Variants in BMP5 observed in about 807,000 individuals in gnomAD.
BMP5 encodes bone morphogenetic protein 5.
BMP5 carries 23 observed loss-of-function variants against 46.6 expected under a neutral mutation model. The ratio of observed to expected loss-of-function variants is 0.49; its 90% CI spans 0.35 to 0.70. The LOEUF is 0.70. Among genes scored for constraint, BMP5 ranks in the 30% least tolerant of loss-of-function variants. The pLI is 0.00. For missense variants in BMP5, 545 were observed against 565.6 expected, an observed-to-expected ratio of 0.96 and a Z score of 0.37; for synonymous variants, 204 against 191.9, an observed-to-expected ratio of 1.06 and a Z score of -0.52.
At chr6:55,839,748 TAGA>T (rs1776905883) in intron 1 of BMP5, among the ~76,000 whole-genome samples, 2 of 152,210 alleles carry the variant, frequency 1.3e-5, no homozygotes, top group Non-Finnish European at 2.9e-5. Context: ...TTTGCTATTG[TAGA>T]CAGTGTTATT....
chr6:55,793,515 T>C (rs1354606703), intron 3 of BMP5, among the ~76,000 whole-genome samples: 2 of 152,138 alleles, frequency 1.3e-5, no homozygotes, highest in Non-Finnish European at 2.9e-5. Context: ...CCATCCCAGG[T>C]GTCTTTAGCT....
rs11537721 is a variant in BMP5 at position 55,755,219 on chromosome 6, G to A, written c.*314C>T. On this transcript the variant is annotated 3_prime_UTR_variant, in exon 7 of 7. Coordinates refer to ENST00000370830, the MANE Select transcript of BMP5 (RefSeq NM_021073.4). ...GTTCTGTCTAATCTCAGAAAATTAT[G>A]TAAAATTGTATTAGAAAAAAATGTT... 40,709 of 185,170 alleles carry A rather than the reference G, an allele frequency of 0.22. 4,775 individuals are homozygous for A. The highest frequency in any genetic ancestry group is 0.32 in the South Asian group (2,242 of 7,096). 11.5% of individuals were successfully genotyped at this position (185,170 alleles called of 1,614,324 possible). A position where few individuals can be genotyped will look rare whatever the true frequency, so the allele number is the denominator to read the frequency against.
chr6:55,838,684 T>C (rs187665553), intron 1 of BMP5, among the ~76,000 whole-genome samples: 38 of 152,284 alleles, frequency 2.5e-4, no homozygotes, highest in African/African-American at 7.7e-4. Flanking sequence ...TTTTGACATC[T>C]GGACTTCTCC....
At chr6:55,783,702 T>C (rs143143225) in intron 3 of BMP5, among the ~76,000 whole-genome samples, 386 of 152,074 alleles carry the variant, frequency 2.5e-3, no homozygotes, top group African/African-American at 9.0e-3. Context: ...ACCATGAAAA[T>C]ATTTACCCCA....
chr6:55,770,630 T>TCA (rs1356867290), intron 4 of BMP5, among the ~76,000 whole-genome samples: 10 of 152,024 alleles, frequency 6.6e-5, no homozygotes, highest in Non-Finnish European at 1.2e-4. Flanking sequence ...ACTGTTTGTT[T>TCA]GGCACAAGAG....
intron 1 of BMP5, among the ~76,000 whole-genome samples, chr6:55,834,847 G>T (rs956175311): frequency 6.6e-6 from 1 of 152,160 alleles, no homozygotes; most frequent in Non-Finnish European, 1.5e-5. Flanking sequence ...TTGGGAAGTT[G>T]AGGCAGGTGG....
At position 55,867,600 on chromosome 6, in the gene BMP5, G is replaced by A. The variant is rs1291028396; in HGVS notation, c.490+6776C>T. ...CAAACATGTAGGACTAGCATCACGG[G>A]CAAGTGACCTGCGCAGTTGCACAGG... is the stretch of plus-strand genomic sequence containing the variant. On this transcript the variant is annotated intron_variant, in intron 1 of 6. Coordinates refer to ENST00000370830, the MANE Select transcript of BMP5 (RefSeq NM_021073.4). Among the ~76,000 whole-genome samples the A allele has an allele frequency of 3.9e-5, 6 of 152,146 alleles. No individual in the cohort carries two copies. In the East Asian group the frequency reaches 1.2e-3, roughly 29 times the overall value.
At chr6:55,774,289 A>C in intron 3 of BMP5, 46 bp from the exon 4 acceptor site, 1 of 1,557,838 alleles carries the variant, frequency 6.4e-7, no homozygotes, top group South Asian at 1.1e-5. Context: ...AAGAAAGAAC[A>C]ATTACCTGAT....
intron 3 of BMP5, among the ~76,000 whole-genome samples, chr6:55,785,033 A>G (rs1031004318): frequency 1.3e-5 from 2 of 151,796 alleles, no homozygotes; most frequent in African/African-American, 4.8e-5. Flanking sequence ...GCTCTCAGCA[A>G]TGTTAGTTTC....
intron 1 of BMP5, among the ~76,000 whole-genome samples, chr6:55,842,082 C>T (rs768449971): frequency 5.3e-5 from 8 of 152,154 alleles, no homozygotes; most frequent in Non-Finnish European, 1.0e-4. Flanking sequence ...TTTAGTTGGA[C>T]ATTATGAATG....
intron 1 of BMP5, among the ~76,000 whole-genome samples, chr6:55,830,589 A>T (rs909016294): frequency 3.3e-5 from 5 of 152,124 alleles, no homozygotes; most frequent in Admixed American, 6.6e-5. Context: ...TTCAAATTTA[A>T]TAATTTCCTG....
chr6:55,777,643 T>G (rs1168120459), intron 3 of BMP5, among the ~76,000 whole-genome samples: 2 of 151,980 alleles, frequency 1.3e-5, no homozygotes, highest in Non-Finnish European at 2.9e-5. Flanking sequence ...CAGTGATAGA[T>G]TTGATTCGCC....
intron 1 of BMP5, among the ~76,000 whole-genome samples, chr6:55,872,333 G>T (rs1777806155): frequency 6.6e-6 from 1 of 151,594 alleles, no homozygotes; most frequent in African/African-American, 2.4e-5. Context: ...TGAATATAAA[G>T]CACTACTCAG....
chr6:55,859,554 G>A (rs930172350), intron 1 of BMP5, among the ~76,000 whole-genome samples: 46 of 151,984 alleles, frequency 3.0e-4, no homozygotes, highest in African/African-American at 1.0e-3. Flanking sequence ...TTAAGTAAGG[G>A]TACAACCTTA....
At chr6:55,794,477 A>T (rs1562041282) in intron 2 of BMP5, 50 bp from the exon 3 acceptor site, 1 of 1,563,208 alleles carries the variant, frequency 6.4e-7, no homozygotes. Flanking sequence ...AATGAACATC[A>T]TTATTTCCTA....
At chr6:55,864,246 G>T (rs1262105124) in intron 1 of BMP5, among the ~76,000 whole-genome samples, 1 of 152,132 alleles carries the variant, frequency 6.6e-6, no homozygotes, top group Non-Finnish European at 1.5e-5. Context: ...TACGATTTGA[G>T]TATGTCCTCT....
chr6:55,873,988 TA>T (rs1026338402), intron 1 of BMP5, among the ~76,000 whole-genome samples: 11 of 150,992 alleles, frequency 7.3e-5, no homozygotes, highest in South Asian at 4.2e-4. Context: ...TTAAATCACT[TA>T]AAAAAAAAGT....
intron 2 of BMP5, among the ~76,000 whole-genome samples, chr6:55,802,391 A>C (rs147100093): frequency 2.6e-5 from 4 of 152,328 alleles, no homozygotes; most frequent in African/African-American, 9.6e-5. Context: ...AATATGAGTA[A>C]TGAGGAGTAT....
At chr6:55,831,833 G>A (rs1776671724) in intron 1 of BMP5, among the ~76,000 whole-genome samples, 1 of 152,108 alleles carries the variant, frequency 6.6e-6, no homozygotes, top group Non-Finnish European at 1.5e-5. Context: ...AACACTGGAG[G>A]CGAACAGAAG....
Sources: allele counts gnomAD v4.1 joint callset (sites outside exome capture counted in the v4.1 genomes callset), GRCh38; gene constraint gnomAD v4.1.1; transcripts MANE v1.5; gene names NCBI Gene and HGNC (gene_info 2026-07-23, HGNC 2026-07-21).